Variants in ARHGAP6 observed in about 807,000 individuals in gnomAD.
ARHGAP6 encodes Rho GTPase activating protein 6.
In ARHGAP6, 16 loss-of-function variants were observed where a neutral mutation model predicts 55.7. The ratio of observed to expected loss-of-function variants is 0.29; its 90% CI spans 0.19 to 0.44. The LOEUF (loss-of-function observed/expected upper bound fraction) is 0.44. Ranked by LOEUF, ARHGAP6 falls within the 20% of genes least tolerant of loss-of-function variation. The probability of loss-of-function intolerance (pLI) is 1.00; values close to 1 mark genes in which losing one functional copy is unlikely to be tolerated. For missense variants in ARHGAP6, 698 were observed against 808.9 expected (o/e 0.86, Z 1.66); for synonymous variants, 382 against 360.9 (o/e 1.06, Z -0.66).
chrX:11,493,020 C>T (rs1186625317), intron 1 of ARHGAP6, among the ~76,000 whole-genome samples: 1 of 111,939 alleles, frequency 8.9e-6, no homozygotes, highest in Non-Finnish European at 1.9e-5. Context: ...TCTTGGGTCC[C>T]CAGCTGACTG....
chrX:11,350,611 T>C (rs1445832336), intron 1 of ARHGAP6, among the ~76,000 whole-genome samples: 4 of 112,385 alleles, frequency 3.6e-5, no homozygotes, highest in African/African-American at 1.3e-4. Context: ...CACTTTAAAA[T>C]TGTTACTCAC....
Position 11,392,045 on chromosome X carries a change from A to G in ARHGAP6, c.589-137338T>C, listed in dbSNP as rs756132744. ...AAAATAGAAAAAGAAGCATTCCTCA[A>G]ATAAGGAATTGTTCCATCCTAAATC... On this transcript the variant is annotated intron_variant, in intron 1 of 12. Transcript: ENST00000337414. Among the ~76,000 whole-genome samples, 6 of 112,298 alleles carry G rather than the reference A, an allele frequency of 5.3e-5. No homozygotes were observed. The East Asian group carries it at 1.4e-3, about 26-fold the overall frequency.
chrX:11,355,417 C>T (rs1182614819), intron 1 of ARHGAP6, among the ~76,000 whole-genome samples: 2 of 112,319 alleles, frequency 1.8e-5, no homozygotes, highest in African/African-American at 6.5e-5. Context: ...GATGTTGAGA[C>T]TGAAGTTGCA....
intron 1 of ARHGAP6, among the ~76,000 whole-genome samples, chrX:11,330,635 T>C (rs1569302772): frequency 9.0e-6 from 1 of 111,677 alleles, no homozygotes; most frequent in Admixed American, 9.6e-5. Context: ...TAGAGCTCTA[T>C]GCTCTAGATG....
chrX:11,246,324 C>A (rs922237353), intron 2 of ARHGAP6, among the ~76,000 whole-genome samples: 1 of 110,889 alleles, frequency 9.0e-6, no homozygotes, highest in Admixed American at 9.6e-5. Context: ...CCCTATGAGA[C>A]CATCAATGAA....
At chrX:11,519,442 A>C (rs1385596202) in intron 1 of ARHGAP6, among the ~76,000 whole-genome samples, 1 of 106,782 alleles carries the variant, frequency 9.4e-6, no homozygotes. Context: ...TCTTTTGAGA[A>C]GTGTCTGTTC....
chrX:11,351,921 T>C (rs1328997449), intron 1 of ARHGAP6, among the ~76,000 whole-genome samples: 1 of 112,671 alleles, frequency 8.9e-6, no homozygotes, highest in East Asian at 2.8e-4. Flanking sequence ...ACTTCTCACC[T>C]TTCCCTTCTG....
intron 1 of ARHGAP6, among the ~76,000 whole-genome samples, chrX:11,514,301 G>A (rs976296343): frequency 3.6e-5 from 4 of 110,339 alleles, no homozygotes; most frequent in African/African-American, 1.3e-4. Flanking sequence ...TGAGCAAGAT[G>A]GATTTTGTTG....
chrX:11,385,086 A>G (rs2049312469), intron 1 of ARHGAP6, among the ~76,000 whole-genome samples: 1 of 112,042 alleles, frequency 8.9e-6, no homozygotes, highest in Non-Finnish European at 1.9e-5. Flanking sequence ...TACTGTATAA[A>G]TGACTATAGC....
At chrX:11,417,871 T>G (rs1278411545) in intron 1 of ARHGAP6, among the ~76,000 whole-genome samples, 1 of 111,735 alleles carries the variant, frequency 8.9e-6, no homozygotes, top group African/African-American at 3.3e-5. Context: ...TTCCTCATCT[T>G]TTAAATGAGG....
chrX:11,505,305 T>A (rs2050720605), intron 1 of ARHGAP6, among the ~76,000 whole-genome samples: 1 of 110,996 alleles, frequency 9.0e-6, no homozygotes, highest in African/African-American at 3.3e-5. Flanking sequence ...AGAACTTCAA[T>A]ATCACTGATA....
chrX:11,212,522 A>G (rs778278503), intron 2 of ARHGAP6, among the ~76,000 whole-genome samples: 47 of 112,458 alleles, frequency 4.2e-4, no homozygotes, highest in African/African-American at 1.4e-3. Context: ...AGATCATAAA[A>G]TTAGATCTCC....
At chrX:11,346,482 C>T (rs1188397021) in intron 1 of ARHGAP6, among the ~76,000 whole-genome samples, 1 of 111,125 alleles carries the variant, frequency 9.0e-6, no homozygotes, top group East Asian at 2.8e-4. Flanking sequence ...CTTTGGGAGG[C>T]GGAGAGGGGA....
chrX:11,409,877 G>A (rs746696004), intron 1 of ARHGAP6, among the ~76,000 whole-genome samples: 1 of 112,356 alleles, frequency 8.9e-6, no homozygotes, highest in South Asian at 3.7e-4. Context: ...AAAGATTGAG[G>A]TTGGAGGATT....
At chrX:11,352,365 C>A (rs2048873370) in intron 1 of ARHGAP6, among the ~76,000 whole-genome samples, 1 of 111,889 alleles carries the variant, frequency 8.9e-6, no homozygotes, top group African/African-American at 3.3e-5. Flanking sequence ...GTTAACTGGT[C>A]CAAATAAGGC....
At chrX:11,456,798 T>A (rs1030634770) in intron 1 of ARHGAP6, among the ~76,000 whole-genome samples, 22 of 112,814 alleles carry the variant, frequency 2.0e-4, no homozygotes, top group Non-Finnish European at 3.6e-4. Flanking sequence ...AGTGAATCTA[T>A]TCTATTCCAA....
intron 1 of ARHGAP6, among the ~76,000 whole-genome samples, chrX:11,612,276 C>T (rs1351349367): frequency 8.9e-6 from 1 of 112,069 alleles, no homozygotes; most frequent in Non-Finnish European, 1.9e-5. Flanking sequence ...CACCCAACTG[C>T]TAGCTTCTGG....
At chrX:11,460,379 A>G (rs1016340016) in intron 1 of ARHGAP6, among the ~76,000 whole-genome samples, 1 of 111,495 alleles carries the variant, frequency 9.0e-6, no homozygotes, top group African/African-American at 3.3e-5. Context: ...TCCTGAGCTG[A>G]AGATGAGACA....
chrX:11,539,723 T>C (rs1052689361), intron 1 of ARHGAP6, among the ~76,000 whole-genome samples: 3 of 111,381 alleles, frequency 2.7e-5, no homozygotes. Flanking sequence ...CCTCCCACTG[T>C]TTTAGGAGGG....
Sources: allele counts gnomAD v4.1 joint callset (sites outside exome capture counted in the v4.1 genomes callset), GRCh38; gene constraint gnomAD v4.1.1; transcripts MANE v1.5; gene names NCBI Gene and HGNC (gene_info 2026-07-23, HGNC 2026-07-21).